Variants in RPTOR observed in about 807,000 individuals in gnomAD.
RPTOR encodes regulatory-associated protein of mTOR.
A neutral mutation model predicts 169.9 loss-of-function variants in RPTOR; 21 were observed. The observed-to-expected ratio is 0.12, with a 90% CI of 0.09 to 0.18. RPTOR has a LOEUF of 0.18. Among genes scored for constraint, RPTOR ranks in the 10% least tolerant of loss-of-function variants. The pLI, the probability that RPTOR is intolerant of heterozygous loss-of-function variation, is 1.00. For synonymous variants in RPTOR, 732 were observed against 753.2 expected, an observed-to-expected ratio of 0.97 and a Z score of 0.46; for missense variants, 1,133 against 1,855.9, an observed-to-expected ratio of 0.61 and a Z score of 7.16.
intron 25 of RPTOR, among the ~76,000 whole-genome samples, chr17:80,943,823 G>A (rs1013338655): frequency 5.9e-5 from 9 of 151,366 alleles, no homozygotes; most frequent in Non-Finnish European, 8.8e-5. Flanking sequence ...GTGAGGACAC[G>A]GTTAGTAAGA....
At chr17:80,715,421 C>G (rs1598250401) in intron 4 of RPTOR, among the ~76,000 whole-genome samples, 2 of 152,320 alleles carry the variant, frequency 1.3e-5, no homozygotes, top group South Asian at 4.1e-4. Context: ...CAATCGGCTT[C>G]TTTCCAAGGC....
intron 1 of RPTOR, among the ~76,000 whole-genome samples, chr17:80,578,808 G>A (rs190885408): frequency 5.9e-4 from 90 of 152,318 alleles, no homozygotes; most frequent in African/African-American, 2.0e-3. Flanking sequence ...ACAGCCTGGC[G>A]CTTGCTGGCA....
At chr17:80,901,411 T>C (rs557750391) in intron 20 of RPTOR, among the ~76,000 whole-genome samples, 87 of 152,156 alleles carry the variant, frequency 5.7e-4, no homozygotes, top group Non-Finnish European at 1.0e-3. Flanking sequence ...AACTGAGTTT[T>C]ATTCGTATAT....
At chr17:80,964,205 C>G in intron 33 of RPTOR, 57 bp from the exon 34 acceptor site, 2 of 1,250,268 alleles carry the variant, frequency 1.6e-6, no homozygotes, top group Non-Finnish European at 2.3e-6. Context: ...GCCCCCCCGC[C>G]CCCCGCAGTG....
Position 80,965,794 on chromosome 17 carries a change from G to A in RPTOR, c.*1464G>A, listed in dbSNP as rs1286809758. On this transcript the variant is annotated 3_prime_UTR_variant, in exon 34 of 34. Coordinates refer to ENST00000306801, the MANE Select transcript of RPTOR (RefSeq NM_020761.3). ...ACTGAGCTGGGGCTGGCCGGGACGT[G>A]ACAAGGCAGGACAGAGGCGGCCCCT... 2 of 233,288 alleles carry A rather than the reference G, an allele frequency of 8.6e-6. No homozygotes were observed. The highest frequency in any genetic ancestry group is 2.2e-5 in the African/African-American group (1 of 45,358). The allele number at this position is 233,288 out of a possible 1,614,324, so 14.5% of individuals were successfully genotyped here. A position where few individuals can be genotyped will look rare whatever the true frequency, so the allele number is the denominator to read the frequency against.
rs1451626406 is a variant in RPTOR at position 80,823,382 on chromosome 17, C to G, written c.1136+159C>G. The G allele has an allele frequency of 1.1e-6, 1 of 905,242 alleles. No homozygotes were observed. The highest frequency in any genetic ancestry group is 1.7e-5 in the African/African-American group (1 of 59,886). The allele number at this position is 905,242 out of a possible 1,614,324, so 56.1% of individuals were successfully genotyped here. Reference sequence around the variant, plus strand: ...AGCTAAATGCAGGGCTCCCAGAGATCTCCACACAGAGGAGTGGGGGTCTCC... The same window carrying G: ...AGCTAAATGCAGGGCTCCCAGAGATGTCCACACAGAGGAGTGGGGGTCTCC... On this transcript the variant is annotated intron_variant, in intron 9 of 33. Transcript: ENST00000306801. The surrounding 1 kb of genome is among the most constrained non-coding windows in gnomAD (Gnocchi z 4.5).
At chr17:80,835,186 T>C (rs888695215) in intron 9 of RPTOR, among the ~76,000 whole-genome samples, 3 of 152,218 alleles carry the variant, frequency 2.0e-5, no homozygotes, top group Non-Finnish European at 4.4e-5. Flanking sequence ...CTTGGGAAAA[T>C]TGAAATATAT....
chr17:80,896,486 G>A (rs112754509), intron 20 of RPTOR, among the ~76,000 whole-genome samples: 26 of 123,204 alleles, frequency 2.1e-4, no homozygotes, highest in Admixed American at 6.6e-4. Context: ...TCCCACGGCC[G>A]CACCGACACA....
chr17:80,776,653 C>G (rs1366550152), intron 6 of RPTOR, among the ~76,000 whole-genome samples: 1 of 152,128 alleles, frequency 6.6e-6, no homozygotes, highest in Non-Finnish European at 1.5e-5. Context: ...AAAGGTTGCT[C>G]TAATTACACG....
chr17:80,899,591 G>A (rs546401415), intron 20 of RPTOR, among the ~76,000 whole-genome samples: 11 of 152,222 alleles, frequency 7.2e-5, no homozygotes, highest in Middle Eastern at 3.2e-3. Flanking sequence ...TCACGTGTAG[G>A]TTAGAGCAGG....
Position 80,573,003 on chromosome 17 carries a change from T to G in RPTOR, c.162+27212T>G, listed in dbSNP as rs1228920596. The stretch of plus-strand genomic sequence containing the variant: ...TGTATGGTTTAAGGTGGGGATCTAG[T>G]TTCCCATGTGGATATCTAGTTGTCT... On this transcript the variant is annotated intron_variant, in intron 1 of 33. Transcript: ENST00000306801. 3.3e-5 allele frequency among the ~76,000 whole-genome samples: 5 copies of G among 152,312 alleles called. No homozygotes were observed. In the East Asian group the frequency reaches 9.6e-4, roughly 29 times the overall value.
At chr17:80,932,096 C>A (rs2068904562) in intron 24 of RPTOR, among the ~76,000 whole-genome samples, 1 of 151,484 alleles carries the variant, frequency 6.6e-6, no homozygotes, top group South Asian at 2.1e-4. Flanking sequence ...GCTAGATTGA[C>A]TGAACTCTTT....
At chr17:80,576,615 C>G (rs952564224) in intron 1 of RPTOR, among the ~76,000 whole-genome samples, 2 of 152,236 alleles carry the variant, frequency 1.3e-5, no homozygotes, top group African/African-American at 4.8e-5. Context: ...GGGCCACCTA[C>G]TTTGACTGAA....
chr17:80,839,696 G>A (rs1050555051), intron 10 of RPTOR, among the ~76,000 whole-genome samples: 7 of 152,314 alleles, frequency 4.6e-5, no homozygotes, highest in South Asian at 2.1e-4. Flanking sequence ...GCCTGTTGCC[G>A]CAAACAGATA....
intron 27 of RPTOR, 35 bp from the exon 28 acceptor site, chr17:80,949,408 G>T (rs1168815933): frequency 6.4e-7 from 1 of 1,556,962 alleles, no homozygotes; most frequent in Non-Finnish European, 8.9e-7. Context: ...CCATCGAGGG[G>T]CCTGGTTCAC....
chr17:80,723,387 G>A (rs1362828853), intron 4 of RPTOR, among the ~76,000 whole-genome samples: 1 of 151,090 alleles, frequency 6.6e-6, no homozygotes, highest in Non-Finnish European at 1.5e-5. Context: ...GAATTCTTCT[G>A]TATGAAAGAA....
chr17:80,767,605 A>G (rs934127501), intron 6 of RPTOR, among the ~76,000 whole-genome samples: 12 of 152,236 alleles, frequency 7.9e-5, no homozygotes, highest in African/African-American at 2.9e-4. Context: ...AGATATCTTT[A>G]CTAGTGAATT....
intron 21 of RPTOR, among the ~76,000 whole-genome samples, chr17:80,911,927 G>A (rs543835905): frequency 6.6e-6 from 1 of 152,320 alleles, no homozygotes; most frequent in South Asian, 2.1e-4. Flanking sequence ...AACCACCCAC[G>A]GAGGCCCCAG....
intron 7 of RPTOR, among the ~76,000 whole-genome samples, chr17:80,817,102 C>A (rs866304399): frequency 6.6e-6 from 1 of 152,224 alleles, no homozygotes; most frequent in South Asian, 2.1e-4. Context: ...CCTGGGTCCA[C>A]CGAGCCGCAC....
Sources: gnomAD v4.1 joint callset for allele counts (sites outside exome capture counted in the v4.1 genomes callset) on GRCh38, gnomAD v4.1.1 for gene constraint, Gnocchi (gnomAD v3.1) non-coding constraint, MANE v1.5 for transcripts, NCBI Gene and HGNC (gene_info 2026-07-23, HGNC 2026-07-21) for gene names.